MYO3A: variants seen among roughly 807,000 people sequenced by gnomAD.
MYO3A encodes the protein myosin IIIA.
MYO3A carries 180 observed loss-of-function variants against 192.7 expected under a neutral mutation model. The observed-to-expected ratio is 0.93, with a 90% CI of 0.83 to 1.06. MYO3A has a LOEUF of 1.06. MYO3A is among the 50% of genes least tolerant of loss of function. The probability of loss-of-function intolerance (pLI) is 0.00; values close to 1 mark genes in which losing one functional copy is unlikely to be tolerated. For synonymous variants in MYO3A, 628 were observed against 645.3 expected (o/e 0.97, Z 0.41); for missense variants, 1,896 against 1,905.0 (o/e 1.00, Z 0.09).
chr10:26,205,456 T>C (rs997290657), intron 34 of MYO3A, among the ~76,000 whole-genome samples: 1 of 141,248 alleles, frequency 7.1e-6, no homozygotes, highest in Non-Finnish European at 1.5e-5. Context: ...CTGCTCTGTG[T>C]GCTTGTCTTT....
At chr10:26,134,750 T>C (rs1839750882) in intron 20 of MYO3A, among the ~76,000 whole-genome samples, 1 of 152,184 alleles carries the variant, frequency 6.6e-6, no homozygotes, top group Admixed American at 6.5e-5. Context: ...TAAAGAAATC[T>C]TAGATTTTCA....
intron 32 of MYO3A, among the ~76,000 whole-genome samples, chr10:26,195,201 G>A (rs369666953): frequency 4.6e-5 from 7 of 151,908 alleles, no homozygotes; most frequent in East Asian, 1.9e-4. Context: ...ATGGTCTTTT[G>A]TGAATAGTCA....
At chr10:26,141,763 T>C (rs1442277378) in intron 20 of MYO3A, among the ~76,000 whole-genome samples, 2 of 152,202 alleles carry the variant, frequency 1.3e-5, no homozygotes, top group Non-Finnish European at 2.9e-5. Context: ...CATTTTCTTA[T>C]ACTGGATAAG....
Position 26,202,957 on chromosome 10 carries a change from T to C in MYO3A, c.4587-7T>C. On this transcript the variant is annotated splice_region_variant and splice_polypyrimidine_tract_variant and intron_variant, in intron 33 of 34. Coordinates refer to ENST00000642920, the MANE Select transcript of MYO3A (RefSeq NM_017433.5). ...ATGCAATGGTGTGTTTATGTGTTCA[T>C]TTACAGTCAGGGAAAATTATTAGAT... 1 of 1,613,420 alleles carries C rather than the reference T, an allele frequency of 6.2e-7. No individual in the cohort carries two copies. The highest frequency in any genetic ancestry group is 1.1e-5 in the South Asian group (1 of 91,062).
At chr10:26,158,419 A>AT (rs1454697080) in intron 26 of MYO3A, among the ~76,000 whole-genome samples, 2 of 151,156 alleles carry the variant, frequency 1.3e-5, no homozygotes, top group East Asian at 2.0e-4. Flanking sequence ...TGCCCAGCTA[A>AT]TTTTTTTTGT....
intron 20 of MYO3A, among the ~76,000 whole-genome samples, chr10:26,132,645 T>C (rs1839605965): frequency 6.6e-6 from 1 of 151,066 alleles, no homozygotes; most frequent in Non-Finnish European, 1.5e-5. Flanking sequence ...GAGCAGCACA[T>C]CTGACTATTA....
chr10:26,139,123 G>T (rs929973053), intron 20 of MYO3A, among the ~76,000 whole-genome samples: 13 of 152,170 alleles, frequency 8.5e-5, no homozygotes, highest in African/African-American at 3.1e-4. Context: ...TATGTAGTAT[G>T]TGCTAAGCAT....
At chr10:26,056,082 G>C (rs576741519) in intron 10 of MYO3A, among the ~76,000 whole-genome samples, 3 of 152,286 alleles carry the variant, frequency 2.0e-5, no homozygotes, top group South Asian at 2.1e-4. Flanking sequence ...TATGATAAAG[G>C]CTCTAGTGGA....
At chr10:26,054,204 A>G (rs1268047548) in intron 10 of MYO3A, among the ~76,000 whole-genome samples, 1 of 152,208 alleles carries the variant, frequency 6.6e-6, no homozygotes. Context: ...TTTTAAAAAG[A>G]TCATTCTCAC....
chr10:25,937,351 T>G (rs1304553413), intron 2 of MYO3A, among the ~76,000 whole-genome samples: 3 of 152,236 alleles, frequency 2.0e-5, no homozygotes, highest in African/African-American at 7.2e-5. Flanking sequence ...GTTTGTGATT[T>G]CAGACTCTGG....
chr10:26,013,001 G>C (rs373565859), intron 6 of MYO3A, among the ~76,000 whole-genome samples: 7 of 152,004 alleles, frequency 4.6e-5, no homozygotes, highest in African/African-American at 1.4e-4. Flanking sequence ...CTTTGACAAA[G>C]CATACAAAAA....
At chr10:25,973,361 T>C (rs150823444) in intron 4 of MYO3A, among the ~76,000 whole-genome samples, 1,641 of 152,264 alleles carry the variant, frequency 0.011, 24 homozygotes, top group African/African-American at 0.036. Context: ...AAGTTATTTA[T>C]CAGCTTAAGG....
chr10:26,190,887 A>G (rs1327655093), intron 31 of MYO3A, among the ~76,000 whole-genome samples: 2 of 152,166 alleles, frequency 1.3e-5, no homozygotes, highest in Non-Finnish European at 2.9e-5. Context: ...TATTTGATGA[A>G]AAAATGAACA....
chr10:26,084,970 A>G (rs1367290793), intron 14 of MYO3A, among the ~76,000 whole-genome samples: 1 of 152,084 alleles, frequency 6.6e-6, no homozygotes, highest in Non-Finnish European at 1.5e-5. Flanking sequence ...CAGGCTTTCT[A>G]ATTCTTTCTG....
intron 17 of MYO3A, among the ~76,000 whole-genome samples, chr10:26,105,005 T>A (rs1162947939): frequency 6.6e-6 from 1 of 152,068 alleles, no homozygotes; most frequent in Non-Finnish European, 1.5e-5. Flanking sequence ...CACTCAGCAA[T>A]ACCTGTGAAA....
intron 14 of MYO3A, among the ~76,000 whole-genome samples, chr10:26,071,226 T>C (rs1015982833): frequency 1.3e-5 from 2 of 152,112 alleles, no homozygotes; most frequent in African/African-American, 4.8e-5. Flanking sequence ...AACAAAATAG[T>C]GAGGCTACTC....
At chr10:26,082,556 G>C (rs768715385) in intron 14 of MYO3A, among the ~76,000 whole-genome samples, 1 of 152,170 alleles carries the variant, frequency 6.6e-6, no homozygotes, top group Non-Finnish European at 1.5e-5. Flanking sequence ...CAGGGGATAT[G>C]ATCCAAGATA....
intron 15 of MYO3A, among the ~76,000 whole-genome samples, chr10:26,093,478 A>T (rs1836825986): frequency 6.6e-6 from 1 of 152,198 alleles, no homozygotes; most frequent in Non-Finnish European, 1.5e-5. Flanking sequence ...AAGTAACAGA[A>T]TAGGATGGGT....
At chr10:26,067,508 G>T (rs929383845) in intron 11 of MYO3A, among the ~76,000 whole-genome samples, 4 of 152,142 alleles carry the variant, frequency 2.6e-5, no homozygotes, top group Admixed American at 6.5e-5. Flanking sequence ...TCCTGTTTCA[G>T]CTCTTAGTGG....
Sources: gnomAD v4.1 joint callset for allele counts (sites outside exome capture counted in the v4.1 genomes callset) on GRCh38, gnomAD v4.1.1 for gene constraint, MANE v1.5 for transcripts, NCBI Gene and HGNC (gene_info 2026-07-23, HGNC 2026-07-21) for gene names.